The following CRACD variants were observed in gnomAD, a reference collection of about 807,000 sequenced individuals.
The protein encoded by CRACD is capping protein inhibiting regulator of actin dynamics, also known as capping protein-inhibiting regulator of actin dynamics.
In CRACD, 56 loss-of-function variants were observed where a neutral mutation model predicts 106.8. The observed-to-expected ratio is 0.52, with a 90% CI of 0.42 to 0.66. The LOEUF (loss-of-function observed/expected upper bound fraction) is 0.66, where lower values mean the gene tolerates loss of function less well. Among genes scored for constraint, CRACD ranks in the 30% least tolerant of loss-of-function variants. The probability of loss-of-function intolerance (pLI) is 0.00; values close to 1 mark genes in which losing one functional copy is unlikely to be tolerated. For missense variants in CRACD, 1,730 were observed against 1,623.2 expected (o/e 1.07, Z -1.13); for synonymous variants, 754 against 670.8 (o/e 1.12, Z -1.92).
chr4:56,265,216 A>T (rs1366298094), intron 2 of CRACD, among the ~76,000 whole-genome samples: 1 of 152,212 alleles, frequency 6.6e-6, no homozygotes, highest in Non-Finnish European at 1.5e-5. Context: ...AAATATTCAG[A>T]TATTCCAAAG....
intron 2 of CRACD, among the ~76,000 whole-genome samples, chr4:56,236,958 T>C (rs533854519): frequency 6.6e-6 from 1 of 152,288 alleles, no homozygotes; most frequent in East Asian, 1.9e-4. Flanking sequence ...GGAGTATGAA[T>C]TGCTATAACC....
intron 2 of CRACD, among the ~76,000 whole-genome samples, chr4:56,237,245 A>C (rs1740032088): frequency 6.6e-6 from 1 of 152,190 alleles, no homozygotes; most frequent in South Asian, 2.1e-4. Context: ...TGAAGAAAAC[A>C]AATTATAGAA....
chr4:56,309,860 A>T (rs59086144), intron 5 of CRACD, among the ~76,000 whole-genome samples: 24,365 of 151,582 alleles, frequency 0.16, 2,444 homozygotes, highest in East Asian at 0.52. Flanking sequence ...TCTCAAAAAA[A>T]ATATATATAT....
At chr4:56,169,137 G>T (rs112651328) in intron 1 of CRACD, among the ~76,000 whole-genome samples, 1 of 152,116 alleles carries the variant, frequency 6.6e-6, no homozygotes, top group Non-Finnish European at 1.5e-5. Flanking sequence ...CAAACAAATA[G>T]GGAGTAAGTT....
intron 2 of CRACD, among the ~76,000 whole-genome samples, chr4:56,181,207 T>C (rs1356998113): frequency 6.7e-6 from 1 of 150,302 alleles, no homozygotes; most frequent in East Asian, 1.9e-4. Context: ...GTTAGTGGGG[T>C]GGGAGTGCAA....
intron 2 of CRACD, among the ~76,000 whole-genome samples, chr4:56,198,179 C>G (rs1231272433): frequency 6.6e-6 from 1 of 152,154 alleles, no homozygotes; most frequent in Admixed American, 6.5e-5. Flanking sequence ...AATCAGATTC[C>G]ATTTTCAGAA....
chr4:56,193,852 G>A, intron 2 of CRACD, among the ~76,000 whole-genome samples: 1 of 151,818 alleles, frequency 6.6e-6, no homozygotes, highest in East Asian at 1.9e-4. Context: ...CCTCTATCCT[G>A]CTTTTGTTGA....
intron 1 of CRACD, among the ~76,000 whole-genome samples, chr4:56,105,291 G>A (rs1021348048): frequency 2.0e-5 from 3 of 152,334 alleles, no homozygotes; most frequent in Non-Finnish European, 2.9e-5. Flanking sequence ...TTGAGGCCAG[G>A]AGTTTGGGAC....
chr4:56,144,582 T>C (rs1735312788), intron 1 of CRACD, among the ~76,000 whole-genome samples: 1 of 152,204 alleles, frequency 6.6e-6, no homozygotes, highest in South Asian at 2.1e-4. Context: ...TTTATTTTTC[T>C]ACCTCTTTCT....
rs527908970 is a variant in CRACD at position 56,315,437 on chromosome 4, G to C, written c.1935G>C (p.Ala645=). The C allele has an allele frequency of 3.7e-6, 6 of 1,612,800 alleles. No individual in the cohort carries two copies. The South Asian group carries it at 5.5e-5, about 15-fold the overall frequency. The change falls in exon 8 of 11, where the codon GCG becomes GCC. Residue 645 remains alanine, a synonymous_variant. Coordinates refer to ENST00000682029, the MANE Select transcript of CRACD (RefSeq NM_001393381.1). This position sits in a 1 kb window ranked among gnomAD's most constrained non-coding sequence, Gnocchi z 4.1. ...GENPPRGPGD[A]RAGSGKAKPR... ...ACCCTCCCCGAGGCCCCGGCGACGC[G>C]AGGGCGGGCAGCGGGAAGGCTAAGC... is the stretch of plus-strand genomic sequence containing the variant.
At chr4:56,062,352 T>A (rs1014511869) in intron 1 of CRACD, among the ~76,000 whole-genome samples, 1 of 152,234 alleles carries the variant, frequency 6.6e-6, no homozygotes. Flanking sequence ...AGGTCTATCC[T>A]GAGGTCTTAG....
At chr4:56,080,540 A>G (rs1306974082) in intron 1 of CRACD, among the ~76,000 whole-genome samples, 1 of 152,234 alleles carries the variant, frequency 6.6e-6, no homozygotes, top group Non-Finnish European at 1.5e-5. Flanking sequence ...TACAGCACAC[A>G]TGCATGCTAC....
intron 2 of CRACD, among the ~76,000 whole-genome samples, chr4:56,183,224 A>C: frequency 6.6e-6 from 1 of 150,888 alleles, no homozygotes; most frequent in East Asian, 1.9e-4. Context: ...CAAGAGTGAA[A>C]CTCCGTCTCA....
In CRACD at chr4:56,156,988, A is replaced by T. The variant is rs73240518; in HGVS notation, c.-335-22296A>T. Among the ~76,000 whole-genome samples the T allele has an allele frequency of 6.1e-3, 928 of 152,338 alleles. 9 individuals are homozygous for T. Among genetic ancestry groups the T allele is most frequent in the South Asian group, 0.011 (54 of 4,822 alleles). ...AGTGCCAAGAGCAGTGCCTGGAAAT[A>T]ATGGGCACTTAATAAACATTTGTCA... is the stretch of plus-strand genomic sequence containing the variant. On this transcript the variant is annotated intron_variant, in intron 1 of 10. Transcript: ENST00000682029.
Position 56,328,173 on chromosome 4 carries a change from T to C in CRACD, c.*369T>C. 1 of 393,816 alleles carries C rather than the reference T, an allele frequency of 2.5e-6. No individual in the cohort carries two copies. The highest frequency in any genetic ancestry group is 5.0e-6 in the Non-Finnish European group (1 of 200,944). 24.4% of individuals were successfully genotyped at this position (393,816 alleles called of 1,614,324 possible). A position where few individuals can be genotyped will look rare whatever the true frequency, so the allele number is the denominator to read the frequency against. On this transcript the variant is annotated 3_prime_UTR_variant, in exon 11 of 11. Coordinates refer to ENST00000682029, the MANE Select transcript of CRACD (RefSeq NM_001393381.1). ...CTTTTGCCAACCTTTGGTAATGGTT[T>C]TTTGATTCTATGCACTAATTTTCTT...
intron 1 of CRACD, among the ~76,000 whole-genome samples, chr4:56,125,881 C>T (rs1347989008): frequency 1.3e-5 from 2 of 149,078 alleles, no homozygotes; most frequent in East Asian, 2.0e-4. Flanking sequence ...AAGTGATTCT[C>T]CTGCCTCAGC....
At chr4:56,162,131 C>T (rs1310030138) in intron 1 of CRACD, among the ~76,000 whole-genome samples, 1 of 152,082 alleles carries the variant, frequency 6.6e-6, no homozygotes, top group Non-Finnish European at 1.5e-5. Flanking sequence ...TGTTGAAAAG[C>T]ACAATTTTGG....
chr4:56,061,669 T>C (rs944519798), intron 1 of CRACD, among the ~76,000 whole-genome samples: 1 of 152,156 alleles, frequency 6.6e-6, no homozygotes, highest in African/African-American at 2.4e-5. Flanking sequence ...TGTGTATGTA[T>C]ACATAAGTAT....
intron 1 of CRACD, among the ~76,000 whole-genome samples, chr4:56,098,726 C>T (rs957777856): frequency 9.2e-5 from 14 of 152,182 alleles, no homozygotes; most frequent in African/African-American, 1.7e-4. Flanking sequence ...GAGGCTTGCT[C>T]TGTCACCCAG....
Sources: allele counts gnomAD v4.1 joint callset (sites outside exome capture counted in the v4.1 genomes callset), GRCh38; gene constraint gnomAD v4.1.1; non-coding constraint Gnocchi (gnomAD v3.1); transcripts MANE v1.5; gene names NCBI Gene and HGNC (gene_info 2026-07-23, HGNC 2026-07-21).